The following DUSP16 variants were observed in gnomAD, a reference collection of about 807,000 sequenced individuals.
DUSP16 encodes dual specificity protein phosphatase 16.
A neutral mutation model predicts 58.3 loss-of-function variants in DUSP16; 21 were observed. The ratio of observed to expected loss-of-function variants is 0.36; its 90% CI spans 0.26 to 0.52. The LOEUF is 0.52. Among genes scored for constraint, DUSP16 ranks in the 20% least tolerant of loss-of-function variants. The probability of loss-of-function intolerance (pLI) is 0.94; values close to 1 mark genes in which losing one functional copy is unlikely to be tolerated. For missense variants in DUSP16, 726 were observed against 819.0 expected, an observed-to-expected ratio of 0.89 and a Z score of 1.39; for synonymous variants, 320 against 323.8, an observed-to-expected ratio of 0.99 and a Z score of 0.12.
chr12:12,496,400 A>G (rs1047959597), intron 4 of DUSP16, among the ~76,000 whole-genome samples: 1 of 152,222 alleles, frequency 6.6e-6, no homozygotes, highest in Non-Finnish European at 1.5e-5. Context: ...CAGTCTTCCT[A>G]CTGTGTACCA....
At chr12:12,532,151 C>A (rs959470210) in intron 1 of DUSP16, among the ~76,000 whole-genome samples, 7 of 150,364 alleles carry the variant, frequency 4.7e-5, no homozygotes, top group African/African-American at 1.5e-4. Flanking sequence ...GGCGACAGAG[C>A]GAGACTCCGT....
chr12:12,531,491 G>C (rs1325238093), intron 1 of DUSP16, among the ~76,000 whole-genome samples: 1 of 152,066 alleles, frequency 6.6e-6, no homozygotes, highest in Non-Finnish European at 1.5e-5. Context: ...CCAAAAGTGT[G>C]TTGTATCTAC....
At chr12:12,528,307 C>G (rs1042027099) in intron 1 of DUSP16, among the ~76,000 whole-genome samples, 1 of 152,150 alleles carries the variant, frequency 6.6e-6, no homozygotes, top group South Asian at 2.1e-4. Flanking sequence ...AGGACCCTAC[C>G]TACTGGGAGA....
intron 1 of DUSP16, chr12:12,561,062 TATA>T (rs1258365274): frequency 6.6e-6 from 1 of 152,054 alleles, no homozygotes; most frequent in African/African-American, 2.4e-5. Flanking sequence ...AGTATTTACT[TATA>T]ATCTTTTAAA....
intron 5 of DUSP16, among the ~76,000 whole-genome samples, chr12:12,481,492 T>C (rs891638185): frequency 1.3e-5 from 2 of 152,222 alleles, no homozygotes; most frequent in African/African-American, 4.8e-5. Flanking sequence ...TTCTTGCGAT[T>C]AACAGATGCG....
chr12:12,494,674 A>G (rs17312912), intron 4 of DUSP16, among the ~76,000 whole-genome samples: 9,447 of 152,234 alleles, frequency 0.062, 350 homozygotes, highest in Middle Eastern at 0.088. Flanking sequence ...GACAGGACAG[A>G]AATATCTGGG....
intron 4 of DUSP16, among the ~76,000 whole-genome samples, chr12:12,488,750 C>T (rs181106446): frequency 2.0e-5 from 3 of 152,292 alleles, no homozygotes. Flanking sequence ...TCATTTACTA[C>T]ATTTGGCACA....
intron 3 of DUSP16, among the ~76,000 whole-genome samples, chr12:12,513,822 A>T (rs1221143093): frequency 6.6e-6 from 1 of 152,214 alleles, no homozygotes; most frequent in Non-Finnish European, 1.5e-5. Context: ...CATAAAATAA[A>T]AGCCCAAATT....
At position 12,562,251 on chromosome 12, in the gene DUSP16, G is replaced by GCGTCC. The variant is rs1250809498; in HGVS notation, c.-505_-501dup. On this transcript the variant is annotated 5_prime_UTR_variant, in exon 1 of 7. Transcript: ENST00000298573. ...CGAGAGGGCGGCTGCGCTCCCGCTC[G>GCGTCC]CGTCCCGTCCCGTCGCTCTCCTCCT... 6.6e-6 allele frequency: 1 copy of GCGTCC among 151,954 alleles called. No homozygotes were observed. 9.4% of individuals were successfully genotyped at this position (151,954 alleles called of 1,614,324 possible).
Position 12,477,802 on chromosome 12 carries a change from G to C in DUSP16, c.1029C>G (p.Asp343Glu). Reference protein sequence around the residue: ...SETPLSPPCADSATSEAAGQR... With the variant: ...SETPLSPPCAESATSEAAGQR... The stretch of plus-strand genomic sequence containing the variant: ...GTCCTGCTGCCTCTGAGGTAGCAGA[G>C]TCGGCACAGGGTGGACTGAGGGGCG... The change falls in exon 7 of 7, where the codon GAC (aspartate) becomes GAG (glutamate). Residue 343 changes from aspartate to glutamate, a missense_variant. Transcript: ENST00000298573. The surrounding 1 kb of genome is among the most constrained non-coding windows in gnomAD (Gnocchi z 4.1). 1 of 1,614,046 alleles carries C rather than the reference G, an allele frequency of 6.2e-7. No individual in the cohort carries two copies. The highest frequency in any genetic ancestry group is 8.5e-7 in the Non-Finnish European group (1 of 1,180,014).
In DUSP16 at chr12:12,477,095, T is replaced by C; in HGVS notation, c.1736A>G (p.Tyr579Cys). 2 of 1,614,158 alleles carry C rather than the reference T, an allele frequency of 1.2e-6. No individual in the cohort carries two copies. The highest frequency in any genetic ancestry group is 1.7e-6 in the Non-Finnish European group (2 of 1,180,034). Residue 579 changes from tyrosine to cysteine, a missense_variant, in exon 7 of 7, where the codon TAC (tyrosine) becomes TGC (cysteine). Transcript: ENST00000298573. The surrounding 1 kb of genome is among the most constrained non-coding windows in gnomAD (Gnocchi z 4.1). ...ASAIYGGSASYSAYSCSQLPT... is the reference protein window; with the variant it reads ...ASAIYGGSASCSAYSCSQLPT... ...CAGCTGGCTGCAGCTGTAGGCAGAGTAACTGGCACTGCCTCCGTAGATGGC... is the reference window on the plus strand; with the variant it reads ...CAGCTGGCTGCAGCTGTAGGCAGAGCAACTGGCACTGCCTCCGTAGATGGC...
At chr12:12,517,394 T>C (rs549004452) in intron 3 of DUSP16, among the ~76,000 whole-genome samples, 1 of 152,304 alleles carries the variant, frequency 6.6e-6, no homozygotes, top group African/African-American at 2.4e-5. Flanking sequence ...TGTGAGAAAC[T>C]AGGGTGCTTT....
intron 3 of DUSP16, among the ~76,000 whole-genome samples, chr12:12,505,487 GA>G (rs1943979945): frequency 6.6e-6 from 1 of 152,226 alleles, no homozygotes; most frequent in Non-Finnish European, 1.5e-5. Context: ...TGAACTGGTT[GA>G]AATGTAAATA....
rs1943461284 is a variant in DUSP16, at chr12:12,477,165, T to C, written c.1666A>G (p.Ser556Gly). The C allele has an allele frequency of 1.2e-6, 2 of 1,614,144 alleles. No individual in the cohort carries two copies. Among genetic ancestry groups the C allele is most frequent in the Non-Finnish European group, 1.7e-6 (2 of 1,180,022 alleles). The change falls in exon 7 of 7, where the codon AGC (serine) becomes GGC (glycine). Residue 556 changes from serine to glycine, a missense_variant. Coordinates refer to ENST00000298573, the MANE Select transcript of DUSP16 (RefSeq NM_030640.3). The surrounding 1 kb of genome is among the most constrained non-coding windows in gnomAD (Gnocchi z 4.1). ...PQTSTPSLTSSWYFATESSHF... is the reference protein window; with the variant it reads ...PQTSTPSLTSGWYFATESSHF... The stretch of plus-strand genomic sequence containing the variant: ...GAGGACTCTGTGGCAAAATACCAGC[T>C]GCTGGTCAGGGAAGGGGTAGAGGTC...
intron 1 of DUSP16, among the ~76,000 whole-genome samples, chr12:12,559,318 C>A (rs1415465288): frequency 6.6e-6 from 1 of 152,220 alleles, no homozygotes; most frequent in African/African-American, 2.4e-5. Context: ...CAATCAAGCA[C>A]CAACTATGGT....
At chr12:12,535,212 T>G (rs1051465583) in intron 1 of DUSP16, among the ~76,000 whole-genome samples, 1 of 152,166 alleles carries the variant, frequency 6.6e-6, no homozygotes, top group Non-Finnish European at 1.5e-5. Flanking sequence ...AGCTGTTAGT[T>G]CTCCTTACCT....
chr12:12,517,769 G>C (rs1216195171), intron 3 of DUSP16, among the ~76,000 whole-genome samples: 1 of 152,204 alleles, frequency 6.6e-6, no homozygotes, highest in Non-Finnish European at 1.5e-5. Context: ...TGGAGGTATG[G>C]ATGAAGATAT....
chr12:12,536,221 C>T (rs1944460603), intron 1 of DUSP16, among the ~76,000 whole-genome samples: 1 of 152,202 alleles, frequency 6.6e-6, no homozygotes, highest in Admixed American at 6.5e-5. Context: ...ATGTGCCTGG[C>T]ACAAGATATA....
At chr12:12,548,210 A>G (rs1356176668) in intron 1 of DUSP16, among the ~76,000 whole-genome samples, 15 of 152,210 alleles carry the variant, frequency 9.9e-5, no homozygotes. Context: ...AAGGACTGGA[A>G]TAAACATTTC....
Sources: gnomAD v4.1 joint callset for allele counts (sites outside exome capture counted in the v4.1 genomes callset) on GRCh38, gnomAD v4.1.1 for gene constraint, Gnocchi (gnomAD v3.1) non-coding constraint, MANE v1.5 for transcripts, NCBI Gene and HGNC (gene_info 2026-07-23, HGNC 2026-07-21) for gene names.